The following NR6A1 variants were observed in gnomAD, a reference collection of about 807,000 sequenced individuals.
The protein encoded by NR6A1 is nuclear receptor subfamily 6 group A member 1, also known as retinoic acid receptor-related testis-associated receptor.
NR6A1 carries 7 observed loss-of-function variants against 59.1 expected under a neutral mutation model. That is an observed-to-expected ratio of 0.12 (90% CI 0.07 to 0.22). NR6A1 has a LOEUF of 0.22. NR6A1 is among the 10% of genes least tolerant of loss of function. The probability of loss-of-function intolerance (pLI) is 1.00; values close to 1 mark genes in which losing one functional copy is unlikely to be tolerated. For synonymous variants in NR6A1, 243 were observed against 236.1 expected, an observed-to-expected ratio of 1.03 and a Z score of -0.27; for missense variants, 468 against 611.6, an observed-to-expected ratio of 0.77 and a Z score of 2.48.
intron 1 of NR6A1, among the ~76,000 whole-genome samples, chr9:124,757,461 C>CAAA (rs34265467): frequency 3.3e-4 from 37 of 110,452 alleles, no homozygotes; most frequent in Middle Eastern, 5.1e-3. Flanking sequence ...TAAAAAAATG[C>CAAA]AAAAAAAAAA....
intron 2 of NR6A1, among the ~76,000 whole-genome samples, chr9:124,557,897 A>T (rs1833975747): frequency 6.6e-6 from 1 of 152,240 alleles, no homozygotes; most frequent in African/African-American, 2.4e-5. Context: ...TATATCCACA[A>T]GGACACACCT....
At chr9:124,572,515 G>A (rs1290676667) in intron 2 of NR6A1, among the ~76,000 whole-genome samples, 1 of 152,212 alleles carries the variant, frequency 6.6e-6, no homozygotes, top group Admixed American at 6.5e-5. Flanking sequence ...ACAGGGAAAT[G>A]ATTACCCAAG....
chr9:124,585,564 G>A (rs898821255), intron 2 of NR6A1, among the ~76,000 whole-genome samples: 2 of 136,000 alleles, frequency 1.5e-5, no homozygotes, highest in Non-Finnish European at 1.6e-5. Flanking sequence ...AAAAAGGGGG[G>A]GGGGGGCAAG....
intron 2 of NR6A1, among the ~76,000 whole-genome samples, chr9:124,587,093 T>C (rs1056742326): frequency 6.6e-6 from 1 of 152,172 alleles, no homozygotes; most frequent in Non-Finnish European, 1.5e-5. Flanking sequence ...CCTGATCAGT[T>C]AGCAGCCATC....
At chr9:124,630,201 T>C (rs1836383309) in intron 2 of NR6A1, among the ~76,000 whole-genome samples, 1 of 145,824 alleles carries the variant, frequency 6.9e-6, no homozygotes, top group African/African-American at 2.5e-5. Flanking sequence ...CTCCAGTTCC[T>C]CCAAATCAGT....
intron 2 of NR6A1, among the ~76,000 whole-genome samples, chr9:124,724,625 A>G (rs969198236): frequency 1.3e-5 from 2 of 152,226 alleles, no homozygotes; most frequent in African/African-American, 2.4e-5. Context: ...CAGTGTAATT[A>G]CTTGTAGGAT....
intron 2 of NR6A1, among the ~76,000 whole-genome samples, chr9:124,559,959 C>A (rs181751358): frequency 1.3e-5 from 2 of 152,290 alleles, no homozygotes; most frequent in East Asian, 3.9e-4. Flanking sequence ...CTGCAGCTGG[C>A]AACACTAGTA....
chr9:124,771,042 C>A lies in NR6A1; in HGVS notation c.78G>T (p.Ala26=). 8.1e-7 allele frequency: 1 copy of A among 1,230,300 alleles called. No homozygotes were observed. The highest frequency in any genetic ancestry group is 4.1e-5 in the South Asian group (1 of 24,392). The allele number at this position is 1,230,300 out of a possible 1,614,324, so 76.2% of individuals were successfully genotyped here. The change falls in exon 1 of 10, where the codon GCG becomes GCT. Residue 26 remains alanine, a synonymous_variant. Coordinates refer to ENST00000487099, the MANE Select transcript of NR6A1 (RefSeq NM_033334.4). ...CACCGTTGCGCGGCGGCGGAGGGAGCGCGGCGGGAGGCTCCAGGAACCCCG... is the reference window on the plus strand; with the variant it reads ...CACCGTTGCGCGGCGGCGGAGGGAGAGCGGCGGGAGGCTCCAGGAACCCCG... The part of the protein sequence containing the change: ...GSAGFLEPPA[A]LPPPPRNGFC...
intron 2 of NR6A1, among the ~76,000 whole-genome samples, chr9:124,632,391 T>C (rs974335614): frequency 6.6e-6 from 1 of 152,204 alleles, no homozygotes; most frequent in Non-Finnish European, 1.5e-5. Context: ...CTCATTGTGG[T>C]TTTGACTAAC....
At chr9:124,609,297 G>A (rs905657701) in intron 2 of NR6A1, among the ~76,000 whole-genome samples, 8 of 152,158 alleles carry the variant, frequency 5.3e-5, no homozygotes, top group Admixed American at 1.3e-4. Context: ...ATGATGTAAG[G>A]AAGGGGTCCA....
intron 2 of NR6A1, among the ~76,000 whole-genome samples, chr9:124,557,762 G>A (rs1017280742): frequency 3.9e-5 from 6 of 152,200 alleles, no homozygotes; most frequent in African/African-American, 1.4e-4. Flanking sequence ...ACACTGTTGG[G>A]AAACCATGAT....
intron 2 of NR6A1, among the ~76,000 whole-genome samples, chr9:124,672,865 G>C (rs775556474): frequency 3.9e-5 from 6 of 152,130 alleles, no homozygotes; most frequent in Admixed American, 1.3e-4. Flanking sequence ...CAGACTTAAT[G>C]AATCTTAGTA....
At chr9:124,710,778 T>G (rs1353507484) in intron 2 of NR6A1, among the ~76,000 whole-genome samples, 1 of 152,204 alleles carries the variant, frequency 6.6e-6, no homozygotes, top group Non-Finnish European at 1.5e-5. Context: ...GCAAAGATCC[T>G]TCCGCAATTG....
intron 2 of NR6A1, among the ~76,000 whole-genome samples, chr9:124,612,334 C>A (rs571003800): frequency 6.6e-6 from 1 of 152,216 alleles, no homozygotes; most frequent in East Asian, 1.9e-4. Context: ...AGAACTGACC[C>A]CGGGCTCAGA....
intron 2 of NR6A1, among the ~76,000 whole-genome samples, chr9:124,647,644 T>C (rs1215412348): frequency 6.6e-6 from 1 of 150,566 alleles, no homozygotes; most frequent in Non-Finnish European, 1.5e-5. Context: ...GGGGAATCAC[T>C]TGAACCTGGG....
At chr9:124,739,759 TTAAA>T (rs1321030844) in intron 1 of NR6A1, among the ~76,000 whole-genome samples, 3 of 152,226 alleles carry the variant, frequency 2.0e-5, no homozygotes, top group African/African-American at 4.8e-5. Flanking sequence ...TGACAGAAAC[TTAAA>T]TAAACTTCTG....
rs534368348 is a variant in NR6A1 at position 124,572,109 on chromosome 9, C to T, written c.143-17539G>A. On this transcript the variant is annotated intron_variant, in intron 2 of 9. Coordinates refer to ENST00000487099, the MANE Select transcript of NR6A1 (RefSeq NM_033334.4). Reference sequence around the variant, plus strand: ...GAGAGCAGTCAACAGTATGGAGAAACTGAGGCTATGAACTGAGAACAGGCT... The same window carrying T: ...GAGAGCAGTCAACAGTATGGAGAAATTGAGGCTATGAACTGAGAACAGGCT... Among the ~76,000 whole-genome samples the T allele has an allele frequency of 5.9e-4, 90 of 152,264 alleles. 1 individual carries two copies. In the South Asian group the frequency reaches 0.018, roughly 31 times the overall value.
intron 2 of NR6A1, among the ~76,000 whole-genome samples, chr9:124,576,790 T>C (rs1834609789): frequency 1.3e-5 from 2 of 152,316 alleles, no homozygotes; most frequent in South Asian, 4.1e-4. Flanking sequence ...CAATGGCTCA[T>C]GCCTGTGAAT....
intron 2 of NR6A1, among the ~76,000 whole-genome samples, chr9:124,567,241 G>A (rs967464860): frequency 8.5e-5 from 13 of 152,180 alleles, no homozygotes; most frequent in South Asian, 8.3e-4. Context: ...ACACAGAAGA[G>A]TTGAAGCTAT....
Sources: gnomAD v4.1 joint callset for allele counts (sites outside exome capture counted in the v4.1 genomes callset) on GRCh38, gnomAD v4.1.1 for gene constraint, MANE v1.5 for transcripts, NCBI Gene and HGNC (gene_info 2026-07-23, HGNC 2026-07-21) for gene names.